The following CCNY variants were observed in gnomAD, a reference collection of about 807,000 sequenced individuals.
The protein encoded by CCNY is cyclin-Y.
CCNY carries 19 observed loss-of-function variants against 42.8 expected under a neutral mutation model. That is an observed-to-expected ratio of 0.44 (90% CI 0.31 to 0.65). The LOEUF (loss-of-function observed/expected upper bound fraction) is 0.65, where lower values mean the gene tolerates loss of function less well. CCNY is among the 30% of genes least tolerant of loss of function. The probability of loss-of-function intolerance (pLI) is 0.07; values close to 1 mark genes in which losing one functional copy is unlikely to be tolerated. For synonymous variants in CCNY, 165 were observed against 162.7 expected (o/e 1.01, Z -0.11); for missense variants, 370 against 437.3 (o/e 0.85, Z 1.37).
At chr10:35,494,925 T>C (rs1011718225) in intron 2 of CCNY, among the ~76,000 whole-genome samples, 3 of 152,214 alleles carry the variant, frequency 2.0e-5, no homozygotes, top group Admixed American at 2.0e-4. Context: ...AGGTTGGGCC[T>C]CTCAAATTCA....
chr10:35,477,104 G>T (rs1476498198), intron 1 of CCNY, among the ~76,000 whole-genome samples: 2 of 151,788 alleles, frequency 1.3e-5, no homozygotes, highest in African/African-American at 4.8e-5. Context: ...TTGAATCTCT[G>T]AATAGACCAA....
At position 35,516,657 on chromosome 10, in the gene CCNY, CTTCCTTTTTTTTT is replaced by C. The variant is rs1840432969; in HGVS notation, c.365+37_365+49del. The C allele has an allele frequency of 8.7e-6, 7 of 808,694 alleles. No individual in the cohort carries two copies. In the African/African-American group the frequency reaches 1.5e-4, roughly 17 times the overall value. The allele number at this position is 808,694 out of a possible 1,614,324, so 50.1% of individuals were successfully genotyped here. On this transcript the variant is annotated intron_variant, in intron 4 of 9. Coordinates refer to ENST00000374704, the MANE Select transcript of CCNY (RefSeq NM_145012.6). ...ATGGATTTATTTCCTTCCTTCCTTC[CTTCCTTTTTTTTT>C]TTTTTTTTTTTTTTTTTTACTTAAC...
chr10:35,491,636 T>A (rs754467509), intron 2 of CCNY, among the ~76,000 whole-genome samples: 5 of 152,144 alleles, frequency 3.3e-5, no homozygotes, highest in Non-Finnish European at 5.9e-5. Flanking sequence ...TTATTTATTT[T>A]TTTGAGACGC....
intron 8 of CCNY, among the ~76,000 whole-genome samples, chr10:35,555,286 G>A (rs146420549): frequency 2.5e-4 from 38 of 152,232 alleles, no homozygotes; most frequent in African/African-American, 8.7e-4. Context: ...AAAATGATGT[G>A]TACTGGTCCT....
rs137902423 is a variant in CCNY at position 35,402,708 on chromosome 10, A to G, written c.154+65501A>G. 1.2e-3 allele frequency among the ~76,000 whole-genome samples: 187 copies of G among 152,310 alleles called. 6 individuals carry two copies. In the East Asian group the frequency reaches 0.026, roughly 22 times the overall value. On this transcript the variant is annotated intron_variant, in intron 1 of 9. Coordinates refer to ENST00000374704, the MANE Select transcript of CCNY (RefSeq NM_145012.6). ...TAAGAACAGGAATGAGAATAAGAGT[A>G]AATATAAAAGTAAAGAATAGGACTT...
intron 3 of CCNY, among the ~76,000 whole-genome samples, chr10:35,313,977 G>GAAAAAAAAAAAAAAAAAAAAAAAA (rs71523375): frequency 1.3e-5 from 1 of 79,798 alleles, no homozygotes; most frequent in African/African-American, 4.8e-5. Context: ...GTTCATCTCG[G>GAAAAAAAAAAAAAAAAAAAAAAAA]AAAAAAAAAA....
intron 8 of CCNY, among the ~76,000 whole-genome samples, chr10:35,560,986 G>C (rs1468570753): frequency 6.6e-6 from 1 of 152,196 alleles, no homozygotes; most frequent in Non-Finnish European, 1.5e-5. Context: ...GGCACTGCCG[G>C]TGAGTTTTCC....
intron 1 of CCNY, among the ~76,000 whole-genome samples, chr10:35,479,716 A>G (rs1839619195): frequency 6.6e-6 from 1 of 151,686 alleles, no homozygotes; most frequent in Admixed American, 6.6e-5. Context: ...TATGTAACTA[A>G]CCTGCACAAT....
At chr10:35,397,674 G>C (rs1003870516) in intron 1 of CCNY, among the ~76,000 whole-genome samples, 2 of 152,166 alleles carry the variant, frequency 1.3e-5, no homozygotes, top group African/African-American at 4.8e-5. Flanking sequence ...ACTTGGGCTA[G>C]GAGCAGCAGT....
chr10:35,276,478 TG>T (rs1835239835), intron 3 of CCNY, among the ~76,000 whole-genome samples: 1 of 152,160 alleles, frequency 6.6e-6, no homozygotes. Context: ...CTCAACCTCC[TG>T]GGCTTAAGCT....
At chr10:35,343,624 A>G (rs964343678) in intron 1 of CCNY, among the ~76,000 whole-genome samples, 35 of 152,030 alleles carry the variant, frequency 2.3e-4, no homozygotes, top group African/African-American at 8.0e-4. Flanking sequence ...TCCTGACCTC[A>G]GGTGATCTGC....
At chr10:35,545,326 A>G (rs1434685912) in intron 7 of CCNY, among the ~76,000 whole-genome samples, 1 of 152,182 alleles carries the variant, frequency 6.6e-6, no homozygotes, top group Non-Finnish European at 1.5e-5. Flanking sequence ...GGGTGGCTTC[A>G]ACACCAGAAC....
chr10:35,271,442 G>A (rs939905534), intron 3 of CCNY, among the ~76,000 whole-genome samples: 1 of 152,168 alleles, frequency 6.6e-6, no homozygotes, highest in African/African-American at 2.4e-5. Context: ...AATGAAGGCT[G>A]AAGAAAAATC....
chr10:35,529,021 A>G (rs1251629715), intron 5 of CCNY, among the ~76,000 whole-genome samples: 2 of 152,210 alleles, frequency 1.3e-5, no homozygotes, highest in East Asian at 3.9e-4. Context: ...AACAGATGAA[A>G]GTAGAGCTGT....
In CCNY at chr10:35,270,571, G is replaced by A. The variant is rs574109951; in HGVS notation, c.-9+19945G>A. 1.8e-3 allele frequency among the ~76,000 whole-genome samples: 267 copies of A among 152,140 alleles called. 2 individuals are homozygous for A. Among genetic ancestry groups the A allele is most frequent in the Non-Finnish European group, 2.8e-3 (187 of 67,982 alleles). On this transcript the variant is annotated intron_variant, in intron 3 of 11. Coordinates refer to the CCNY transcript ENST00000374706. ...CATATTTTTGGTTTTTGCCTGAATTGGTGCATGTGCTGGAAGTGTGAGTGC... is the reference window on the plus strand; with the variant it reads ...CATATTTTTGGTTTTTGCCTGAATTAGTGCATGTGCTGGAAGTGTGAGTGC...
chr10:35,539,711 C>T (rs1257048268), intron 7 of CCNY, among the ~76,000 whole-genome samples: 5 of 152,130 alleles, frequency 3.3e-5, no homozygotes, highest in East Asian at 1.9e-4. Flanking sequence ...CGCTTGAACC[C>T]GGGAGGCAGA....
At chr10:35,485,650 G>A (rs1479188138) in intron 2 of CCNY, among the ~76,000 whole-genome samples, 1 of 151,480 alleles carries the variant, frequency 6.6e-6, no homozygotes, top group East Asian at 1.9e-4. Context: ...GCGTGAATCC[G>A]GGAGGTGGAG....
chr10:35,378,125 T>C (rs1837095145), intron 1 of CCNY, among the ~76,000 whole-genome samples: 1 of 152,274 alleles, frequency 6.6e-6, no homozygotes, highest in Non-Finnish European at 1.5e-5. Flanking sequence ...TCTTATACTT[T>C]AAATGGACCT....
chr10:35,289,693 G>A (rs1440354085), intron 3 of CCNY, among the ~76,000 whole-genome samples: 1 of 151,770 alleles, frequency 6.6e-6, no homozygotes, highest in Non-Finnish European at 1.5e-5. Context: ...GGCCAACATG[G>A]TGAGACCCAG....
Sources: allele counts gnomAD v4.1 joint callset (sites outside exome capture counted in the v4.1 genomes callset), GRCh38; gene constraint gnomAD v4.1.1; transcripts MANE v1.5; gene names NCBI Gene and HGNC (gene_info 2026-07-23, HGNC 2026-07-21).